ASTN2: variants seen among roughly 807,000 people sequenced by gnomAD.
ASTN2 encodes astrotactin 2.
Under a neutral mutation model 139.8 loss-of-function variants are expected in ASTN2, and 54 were observed. That is an observed-to-expected ratio of 0.39 (90% CI 0.31 to 0.48). The LOEUF (loss-of-function observed/expected upper bound fraction) is 0.48, where lower values mean the gene tolerates loss of function less well. Ranked by LOEUF, ASTN2 falls within the 20% of genes least tolerant of loss-of-function variation. The pLI, the probability that ASTN2 is intolerant of heterozygous loss-of-function variation, is 0.95. For missense variants in ASTN2, 1,565 were observed against 1,725.1 expected (o/e 0.91, Z 1.64); for synonymous variants, 756 against 719.5 (o/e 1.05, Z -0.81).
In ASTN2 at chr9:116,723,807, G is replaced by A. The variant is rs929185291; in HGVS notation, c.2806+1964C>T. On this transcript the variant is annotated intron_variant, in intron 16 of 22. Coordinates refer to ENST00000313400, the MANE Select transcript of ASTN2 (RefSeq NM_001365068.1). Reference sequence around the variant, plus strand: ...TTAAGCTGACCTCAATGCATCCTCTGTCCTTTTCTTGGGAGCAAGTATGGA... The same window carrying A: ...TTAAGCTGACCTCAATGCATCCTCTATCCTTTTCTTGGGAGCAAGTATGGA... Among the ~76,000 whole-genome samples, 6 of 152,176 alleles carry A rather than the reference G, an allele frequency of 3.9e-5. No individual in the cohort carries two copies. In the South Asian group the frequency reaches 1.2e-3, roughly 32 times the overall value.
intron 3 of ASTN2, among the ~76,000 whole-genome samples, chr9:117,190,608 A>G (rs183964113): frequency 2.0e-5 from 3 of 152,160 alleles, no homozygotes; most frequent in Non-Finnish European, 4.4e-5. Flanking sequence ...CTCTCTCTCA[A>G]TGCTACTCCT....
chr9:117,286,155 AT>A (rs1834444387), intron 2 of ASTN2, among the ~76,000 whole-genome samples: 2 of 152,194 alleles, frequency 1.3e-5, no homozygotes, highest in African/African-American at 2.4e-5. Context: ...AGTGATAACT[AT>A]TTTTGTTGAA....
intron 2 of ASTN2, among the ~76,000 whole-genome samples, chr9:117,244,481 C>A (rs1833307517): frequency 6.6e-6 from 1 of 151,036 alleles, no homozygotes; most frequent in Non-Finnish European, 1.5e-5. Context: ...TATCTTAGAC[C>A]ATGTGAGTCT....
At chr9:116,507,967 C>T (rs1486278914) in intron 19 of ASTN2, among the ~76,000 whole-genome samples, 1 of 152,210 alleles carries the variant, frequency 6.6e-6, no homozygotes, top group East Asian at 1.9e-4. Context: ...TGGCTCACCG[C>T]AACCTCCACC....
chr9:116,869,743 C>T (rs1833107230), intron 10 of ASTN2, among the ~76,000 whole-genome samples: 1 of 152,156 alleles, frequency 6.6e-6, no homozygotes, highest in Admixed American at 6.5e-5. Context: ...TCACTCAACT[C>T]TGCTTTTGTA....
intron 13 of ASTN2, among the ~76,000 whole-genome samples, chr9:116,761,681 G>A (rs935938556): frequency 2.0e-5 from 3 of 152,110 alleles, no homozygotes; most frequent in Non-Finnish European, 4.4e-5. Flanking sequence ...GAACAGTGAC[G>A]GGAGACACTT....
intron 11 of ASTN2, among the ~76,000 whole-genome samples, chr9:116,830,840 A>C (rs1831792241): frequency 6.6e-6 from 1 of 151,864 alleles, no homozygotes; most frequent in Non-Finnish European, 1.5e-5. Flanking sequence ...ACCAGCCCTC[A>C]TATGTTTACT....
At chr9:117,362,689 C>A (rs1442692392) in intron 1 of ASTN2, among the ~76,000 whole-genome samples, 1 of 152,042 alleles carries the variant, frequency 6.6e-6, no homozygotes, top group Non-Finnish European at 1.5e-5. Context: ...GCTTTTAAGT[C>A]TCACCACCTC....
intron 12 of ASTN2, among the ~76,000 whole-genome samples, chr9:116,814,339 G>A (rs756522539): frequency 2.0e-5 from 3 of 152,060 alleles, no homozygotes; most frequent in Non-Finnish European, 4.4e-5. Flanking sequence ...TTAACCAAAC[G>A]AAGATCAGAG....
intron 3 of ASTN2, among the ~76,000 whole-genome samples, chr9:117,192,517 A>G (rs1398368264): frequency 6.6e-6 from 1 of 152,210 alleles, no homozygotes; most frequent in African/African-American, 2.4e-5. Context: ...ATAGAAATAA[A>G]TTAAGCTCAA....
chr9:117,257,756 G>T (rs925315173), intron 2 of ASTN2, among the ~76,000 whole-genome samples: 5 of 152,170 alleles, frequency 3.3e-5, no homozygotes, highest in African/African-American at 1.2e-4. Flanking sequence ...CAACATAGGA[G>T]AAATGAGGGG....
At chr9:116,469,236 T>C (rs954602184) in intron 20 of ASTN2, among the ~76,000 whole-genome samples, 9 of 152,012 alleles carry the variant, frequency 5.9e-5, no homozygotes, top group African/African-American at 2.2e-4. Flanking sequence ...AGAGAATAAA[T>C]GTGTGTTGGA....
At chr9:116,624,984 A>C (rs1856369057) in intron 17 of ASTN2, among the ~76,000 whole-genome samples, 1 of 152,238 alleles carries the variant, frequency 6.6e-6, no homozygotes, top group Non-Finnish European at 1.5e-5. Flanking sequence ...GGAATGCTGA[A>C]TAAAACAAAC....
chr9:117,180,520 G>T (rs1831032572), intron 3 of ASTN2: 1 of 625,144 alleles, frequency 1.6e-6, no homozygotes, highest in African/African-American at 1.8e-5. Context: ...TTTCCTCTGT[G>T]ATCCTGGAAT....
intron 4 of ASTN2, among the ~76,000 whole-genome samples, chr9:117,100,202 C>A (rs1325694565): frequency 6.6e-6 from 1 of 152,188 alleles, no homozygotes; most frequent in Non-Finnish European, 1.5e-5. Context: ...CTATAACTAC[C>A]ATAAGGGTTT....
chr9:117,090,516 A>G (rs1828679890), intron 5 of ASTN2, among the ~76,000 whole-genome samples: 1 of 152,204 alleles, frequency 6.6e-6, no homozygotes, highest in South Asian at 2.1e-4. Context: ...TATATGTCAA[A>G]TCTCTTTCAT....
At chr9:117,271,068 G>A (rs1026397861) in intron 2 of ASTN2, among the ~76,000 whole-genome samples, 19 of 152,242 alleles carry the variant, frequency 1.2e-4, no homozygotes, top group African/African-American at 4.3e-4. Context: ...ACAGACCTGG[G>A]ATTCCCACAT....
chr9:116,793,757 T>C (rs1202712808), intron 13 of ASTN2, among the ~76,000 whole-genome samples: 1 of 152,220 alleles, frequency 6.6e-6, no homozygotes, highest in African/African-American at 2.4e-5. Flanking sequence ...TTATTACCTG[T>C]GGCCTACTGA....
chr9:116,676,455 C>A (rs766072285), intron 16 of ASTN2, among the ~76,000 whole-genome samples: 1 of 152,134 alleles, frequency 6.6e-6, no homozygotes, highest in Non-Finnish European at 1.5e-5. Flanking sequence ...GGCAGTTTGG[C>A]AGGCTGGTCA....
Sources: gnomAD v4.1 joint callset for allele counts (sites outside exome capture counted in the v4.1 genomes callset) on GRCh38, gnomAD v4.1.1 for gene constraint, MANE v1.5 for transcripts, NCBI Gene and HGNC (gene_info 2026-07-23, HGNC 2026-07-21) for gene names.